The following ASIC5 variants were observed in gnomAD, a reference collection of about 807,000 sequenced individuals.
The protein encoded by ASIC5 is bile acid-sensitive ion channel.
In ASIC5, 52 loss-of-function variants were observed where a neutral mutation model predicts 51.2. The ratio of observed to expected loss-of-function variants is 1.02; its 90% CI spans 0.81 to 1.28. The LOEUF (loss-of-function observed/expected upper bound fraction) is 1.28, where lower values mean the gene tolerates loss of function less well. Among genes scored for constraint, ASIC5 ranks in the 50% most tolerant of loss-of-function variants. ASIC5 has a pLI of 0.00. For synonymous variants in ASIC5, 231 were observed against 200.7 expected, an observed-to-expected ratio of 1.15 and a Z score of -1.28; for missense variants, 635 against 595.0, an observed-to-expected ratio of 1.07 and a Z score of -0.70.
At chr4:155,835,264 G>A (rs969691128) in intron 8 of ASIC5, among the ~76,000 whole-genome samples, 4 of 152,072 alleles carry the variant, frequency 2.6e-5, no homozygotes, top group East Asian at 1.9e-4. Flanking sequence ...AGCCCAAAGC[G>A]CTCCCCCTGG....
At chr4:155,835,430 A>T (rs1020733130) in intron 8 of ASIC5, among the ~76,000 whole-genome samples, 2 of 151,918 alleles carry the variant, frequency 1.3e-5, no homozygotes, top group Non-Finnish European at 2.9e-5. Flanking sequence ...AAAAAAAAGA[A>T]AAAAAAACAG....
At chr4:155,840,805 C>T (rs1337558951) in intron 6 of ASIC5, among the ~76,000 whole-genome samples, 1 of 151,990 alleles carries the variant, frequency 6.6e-6, no homozygotes, top group Admixed American at 6.6e-5. Context: ...CCCCAAATTG[C>T]TTATAGTGAT....
intron 6 of ASIC5, among the ~76,000 whole-genome samples, chr4:155,839,835 A>C (rs1741077048): frequency 6.6e-6 from 1 of 152,216 alleles, no homozygotes; most frequent in South Asian, 2.1e-4. Context: ...CAGAAAAAAA[A>C]GATGGTAGAT....
At chr4:155,830,598 C>A (rs1256836309) in intron 9 of ASIC5, among the ~76,000 whole-genome samples, 2 of 151,812 alleles carry the variant, frequency 1.3e-5, no homozygotes, top group Admixed American at 6.6e-5. Context: ...ATATATATAC[C>A]CTAAAATTTA....
Position 155,854,156 on chromosome 4 carries a change from A to G in ASIC5, c.506T>C (p.Phe169Ser). The G allele has an allele frequency of 6.2e-7, 1 of 1,613,460 alleles. No homozygotes were observed. The highest frequency in any genetic ancestry group is 1.1e-5 in the South Asian group (1 of 91,080). ...GAGATAAAAACCTTTGTTCCTGATA[A>G]ATTCCACAATGCTGAAGTTTTGGTG... ...ASHQNFSIVE[F>S]IRNKGFYLNN... Residue 169 changes from phenylalanine (F) to serine (S), a missense_variant, in exon 3 of 10, where the codon TTT becomes TCT. By Grantham distance (155) the Phe-to-Ser change is radical (BLOSUM62 -2). Coordinates refer to ENST00000537611, the MANE Select transcript of ASIC5 (RefSeq NM_017419.3).
chr4:155,865,984 T>C (rs755195623), intron 1 of ASIC5, among the ~76,000 whole-genome samples: 6 of 152,202 alleles, frequency 3.9e-5, no homozygotes, highest in Non-Finnish European at 8.8e-5. Context: ...AGTAATATTT[T>C]AAAACTATTT....
At chr4:155,844,117 A>G (rs1377626593) in intron 4 of ASIC5, among the ~76,000 whole-genome samples, 2 of 152,008 alleles carry the variant, frequency 1.3e-5, no homozygotes, top group Admixed American at 1.3e-4. Flanking sequence ...ATGTCTGGTA[A>G]CCACAAAGGG....
At chr4:155,830,618 C>T (rs919896375) in intron 9 of ASIC5, among the ~76,000 whole-genome samples, 2 of 152,122 alleles carry the variant, frequency 1.3e-5, no homozygotes, top group Non-Finnish European at 2.9e-5. Context: ...ACCATGTTAA[C>T]CATTTTTAAG....
At chr4:155,846,582 A>G (rs1741248290) in intron 4 of ASIC5, among the ~76,000 whole-genome samples, 1 of 152,122 alleles carries the variant, frequency 6.6e-6, no homozygotes, top group South Asian at 2.1e-4. Context: ...GACAGCTTGG[A>G]GGTTAGAAGC....
intron 2 of ASIC5, chr4:155,858,848 G>C (rs558370896): frequency 2.6e-5 from 4 of 152,138 alleles, no homozygotes; most frequent in South Asian, 2.1e-4. Context: ...TTTTATATAG[G>C]ATAAAGTAAA....
chr4:155,856,712 A>G (rs1741550501), intron 2 of ASIC5, among the ~76,000 whole-genome samples: 1 of 152,054 alleles, frequency 6.6e-6, no homozygotes, highest in Non-Finnish European at 1.5e-5. Context: ...TAAACCCTAT[A>G]TTGAGAGATG....
At chr4:155,846,497 G>T (rs1741244849) in intron 4 of ASIC5, among the ~76,000 whole-genome samples, 1 of 152,072 alleles carries the variant, frequency 6.6e-6, no homozygotes, top group Admixed American at 6.6e-5. Context: ...GTTTGTTTGG[G>T]AAAGGACTGC....
Position 155,833,329 on chromosome 4 carries a change from A to T in ASIC5, c.1236-1414T>A, listed in dbSNP as rs539458094. On this transcript the variant is annotated intron_variant, in intron 8 of 9. Transcript: ENST00000537611. ...ATAGTATTCATTAAGAGTGGATACTATTAGCCGAGTTTCCTAGAATTATGT... is the reference window on the plus strand; with the variant it reads ...ATAGTATTCATTAAGAGTGGATACTTTTAGCCGAGTTTCCTAGAATTATGT... Among the ~76,000 whole-genome samples, 8 of 152,320 alleles carry T rather than the reference A, an allele frequency of 5.3e-5. No individual in the cohort carries two copies. In the East Asian group the frequency reaches 1.5e-3, roughly 29 times the overall value.
At chr4:155,863,002 G>A (rs1560755192) in intron 2 of ASIC5, among the ~76,000 whole-genome samples, 1 of 152,188 alleles carries the variant, frequency 6.6e-6, no homozygotes, top group African/African-American at 2.4e-5. Flanking sequence ...GATTGTTGAT[G>A]TTTCTCTTTT....
At chr4:155,839,686 T>TA (rs1016802724) in intron 6 of ASIC5, among the ~76,000 whole-genome samples, 111 of 151,400 alleles carry the variant, frequency 7.3e-4, no homozygotes, top group African/African-American at 2.6e-3. Flanking sequence ...TGGCTAACTG[T>TA]AAGGAAGTGC....
rs534493146 is a variant in ASIC5 at position 155,862,669 on chromosome 4, C to T, written c.347+779G>A. On this transcript the variant is annotated intron_variant, in intron 2 of 9. Coordinates refer to ENST00000537611, the MANE Select transcript of ASIC5 (RefSeq NM_017419.3). ...TGCAGTCAAGGACTCAAGACACTGG[C>T]AGTAGAGCATTGAATCAAGTGTAAC... 3.9e-5 allele frequency among the ~76,000 whole-genome samples: 6 copies of T among 152,236 alleles called. No individual in the cohort carries two copies. The South Asian group carries it at 1.0e-3, about 26-fold the overall frequency.
intron 1 of ASIC5, 129 bp from the exon 2 acceptor site, chr4:155,863,883 A>G: frequency 1.3e-6 from 1 of 756,204 alleles, no homozygotes; most frequent in Non-Finnish European, 2.1e-6. Context: ...CATAGAAACT[A>G]AAAATTCATC....
chr4:155,839,276 T>C (rs1164894819), intron 6 of ASIC5, among the ~76,000 whole-genome samples: 1 of 151,874 alleles, frequency 6.6e-6, no homozygotes, highest in Non-Finnish European at 1.5e-5. Flanking sequence ...AAGAGTGGCT[T>C]GCTCAAGACC....
chr4:155,861,246 C>T (rs1329096905), intron 2 of ASIC5, among the ~76,000 whole-genome samples: 1 of 151,856 alleles, frequency 6.6e-6, no homozygotes, highest in African/African-American at 2.4e-5. Context: ...GTAGAGTGTT[C>T]TAAGGATGTT....
Sources: gnomAD v4.1 joint callset for allele counts (sites outside exome capture counted in the v4.1 genomes callset) on GRCh38, gnomAD v4.1.1 for gene constraint, MANE v1.5 for transcripts, NCBI Gene and HGNC (gene_info 2026-07-23, HGNC 2026-07-21) for gene names.